PALLD: variants seen among roughly 807,000 people sequenced by gnomAD.
The protein encoded by PALLD is palladin.
A neutral mutation model predicts 123.5 loss-of-function variants in PALLD; 61 were observed. The observed-to-expected ratio is 0.49, with a 90% confidence interval of 0.40 to 0.61. The LOEUF (loss-of-function observed/expected upper bound fraction) is 0.61. Ranked by LOEUF, PALLD falls within the 20% of genes least tolerant of loss-of-function variation. The pLI is 0.00. For synonymous variants in PALLD, 465 were observed against 496.4 expected (o/e 0.94, Z 0.84); for missense variants, 1,273 against 1,377.0 (o/e 0.92, Z 1.20).
At chr4:168,564,331 C>T (rs1386830111) in intron 2 of PALLD, among the ~76,000 whole-genome samples, 1 of 152,190 alleles carries the variant, frequency 6.6e-6, no homozygotes, top group East Asian at 1.9e-4. Flanking sequence ...TCTCCTTCAA[C>T]CTACCATGAC....
chr4:168,757,808 A>C (rs1732102312), intron 10 of PALLD, among the ~76,000 whole-genome samples: 1 of 152,278 alleles, frequency 6.6e-6, no homozygotes, highest in South Asian at 2.1e-4. Flanking sequence ...GGGGTGGCTC[A>C]CGCCTATAAT....
At chr4:168,760,753 A>G (rs1333178864) in intron 10 of PALLD, among the ~76,000 whole-genome samples, 1 of 152,230 alleles carries the variant, frequency 6.6e-6, no homozygotes, top group Non-Finnish European at 1.5e-5. Context: ...GGAAACCAAG[A>G]AAAGACTTTT....
At chr4:168,655,099 A>G (rs553303920) in intron 2 of PALLD, among the ~76,000 whole-genome samples, 2 of 152,332 alleles carry the variant, frequency 1.3e-5, no homozygotes, top group Admixed American at 1.3e-4. Context: ...CCTGCTAAGA[A>G]TATAATTCCT....
At chr4:168,855,129 T>C (rs573277679) in intron 10 of PALLD, among the ~76,000 whole-genome samples, 17 of 146,340 alleles carry the variant, frequency 1.2e-4, no homozygotes, top group Non-Finnish European at 1.9e-4. Flanking sequence ...TCTCACTCTG[T>C]TGCCAGGCTG....
chr4:168,624,213 C>T (rs1486756834), intron 2 of PALLD, among the ~76,000 whole-genome samples: 1 of 151,728 alleles, frequency 6.6e-6, no homozygotes, highest in Non-Finnish European at 1.5e-5. Context: ...CATTCACTAG[C>T]ACATTAAAAA....
Position 168,512,152 on chromosome 4 carries a change from T to C in PALLD, c.648T>C (p.Ser216=). The change falls in exon 2 of 22, where the codon AGT becomes AGC. Residue 216 remains serine (S), a synonymous_variant. Coordinates refer to ENST00000505667, the MANE Select transcript of PALLD (RefSeq NM_001166108.2). ...AAAATCAGCCGTCAGCCCTGCTGAG[T>C]GCCTCAGCCAGCCAGAGCCCTATGG... is the stretch of plus-strand genomic sequence containing the variant. The part of the protein sequence containing the change: ...SPKNQPSALL[S]ASASQSPMED... The C allele has an allele frequency of 6.2e-7, 1 of 1,614,102 alleles. No homozygotes were observed. The highest frequency in any genetic ancestry group is 8.5e-7 in the Non-Finnish European group (1 of 1,179,988).
chr4:168,656,354 T>G (rs748129900), intron 2 of PALLD, among the ~76,000 whole-genome samples: 1 of 151,114 alleles, frequency 6.6e-6, no homozygotes, highest in African/African-American at 2.4e-5. Context: ...ATTTTTGTAC[T>G]TGCATAGGGA....
At chr4:168,536,296 T>C (rs1358331674) in intron 2 of PALLD, among the ~76,000 whole-genome samples, 2 of 152,160 alleles carry the variant, frequency 1.3e-5, no homozygotes, top group African/African-American at 4.8e-5. Context: ...TTCTTCTCAG[T>C]TTGCAACAAA....
chr4:168,798,702 C>A (rs943211241), intron 10 of PALLD, among the ~76,000 whole-genome samples: 1 of 152,010 alleles, frequency 6.6e-6, no homozygotes, highest in Non-Finnish European at 1.5e-5. Context: ...GATTTTTATC[C>A]TACTAAAACA....
chr4:168,576,748 C>T (rs551661202), intron 2 of PALLD, among the ~76,000 whole-genome samples: 1 of 152,112 alleles, frequency 6.6e-6, no homozygotes, highest in East Asian at 1.9e-4. Context: ...GGGTATATAC[C>T]CAGTAATGGG....
Position 168,805,070 on chromosome 4 carries a change from A to C in PALLD, c.1965-85852A>C, listed in dbSNP as rs1409187887. 2.0e-5 allele frequency among the ~76,000 whole-genome samples: 3 copies of C among 152,112 alleles called. No homozygotes were observed. In the East Asian group the frequency reaches 5.8e-4, roughly 30 times the overall value. ...CTACTCAGGAGGCCGAGACAGGAGAATCGTTTAAACCCGGGAGACGGAGGT... is the reference window on the plus strand; with the variant it reads ...CTACTCAGGAGGCCGAGACAGGAGACTCGTTTAAACCCGGGAGACGGAGGT... On this transcript the variant is annotated intron_variant, in intron 10 of 21. Coordinates refer to ENST00000505667, the MANE Select transcript of PALLD (RefSeq NM_001166108.2).
At chr4:168,596,692 A>G (rs1321005627) in intron 2 of PALLD, among the ~76,000 whole-genome samples, 2 of 150,806 alleles carry the variant, frequency 1.3e-5, no homozygotes, top group Non-Finnish European at 3.0e-5. Flanking sequence ...TTCCTCACCA[A>G]TTCCAAGTAT....
chr4:168,539,716 T>A (rs557053597), intron 2 of PALLD, among the ~76,000 whole-genome samples: 1 of 152,210 alleles, frequency 6.6e-6, no homozygotes, highest in Admixed American at 6.5e-5. Context: ...AAGCTCAAAA[T>A]TATCTTTTTC....
At chr4:168,754,312 A>G (rs1426080244) in intron 10 of PALLD, among the ~76,000 whole-genome samples, 1 of 152,184 alleles carries the variant, frequency 6.6e-6, no homozygotes, top group Non-Finnish European at 1.5e-5. Context: ...CTTAGTTAAG[A>G]TGATTATATA....
At chr4:168,780,813 G>A (rs1023420874) in intron 10 of PALLD, among the ~76,000 whole-genome samples, 25 of 150,974 alleles carry the variant, frequency 1.7e-4, no homozygotes, top group African/African-American at 2.9e-4. Context: ...TCAGCCTCCC[G>A]AGTAGCTGGG....
chr4:168,602,622 C>T (rs1772781678), intron 2 of PALLD, among the ~76,000 whole-genome samples: 1 of 152,176 alleles, frequency 6.6e-6, no homozygotes, highest in African/African-American at 2.4e-5. Flanking sequence ...CTACTCATTT[C>T]CAGACTCCAT....
chr4:168,783,036 TTA>T (rs370965065), intron 10 of PALLD, among the ~76,000 whole-genome samples: 46,379 of 146,200 alleles, frequency 0.32, 8,032 homozygotes, highest in Non-Finnish European at 0.4. Flanking sequence ...CTCACAAATT[TTA>T]TATATATATG....
At chr4:168,731,898 G>C (rs572614942) in intron 10 of PALLD, among the ~76,000 whole-genome samples, 1 of 152,328 alleles carries the variant, frequency 6.6e-6, no homozygotes, top group Admixed American at 6.5e-5. Context: ...TGATAAACAA[G>C]TGGTTCTTTT....
chr4:168,845,899 GATTT>G (rs1746774481), intron 10 of PALLD, among the ~76,000 whole-genome samples: 1 of 152,172 alleles, frequency 6.6e-6, no homozygotes, highest in South Asian at 2.1e-4. Context: ...TTATACTACT[GATTT>G]ATTTGACAAG....
Sources: allele counts gnomAD v4.1 joint callset (sites outside exome capture counted in the v4.1 genomes callset), GRCh38; gene constraint gnomAD v4.1.1; transcripts MANE v1.5; gene names NCBI Gene and HGNC (gene_info 2026-07-23, HGNC 2026-07-21).